DENND2B: variants seen among roughly 807,000 people sequenced by gnomAD.
The protein encoded by DENND2B is DENN domain-containing protein 2B.
In DENND2B, 32 loss-of-function variants were observed where a neutral mutation model predicts 116.0. That is an observed-to-expected ratio of 0.28 (90% CI 0.21 to 0.37). The LOEUF (loss-of-function observed/expected upper bound fraction) is 0.37, where lower values mean the gene tolerates loss of function less well. DENND2B is among the 10% of genes least tolerant of loss of function. DENND2B has a pLI of 1.00. For synonymous variants in DENND2B, 588 were observed against 583.9 expected (o/e 1.01, Z -0.10); for missense variants, 1,276 against 1,477.7 (o/e 0.86, Z 2.24).
At chr11:8,774,502 G>A (rs2057355506) in intron 1 of DENND2B, among the ~76,000 whole-genome samples, 1 of 152,192 alleles carries the variant, frequency 6.6e-6, no homozygotes, top group Non-Finnish European at 1.5e-5. Flanking sequence ...GCTTCTGACA[G>A]AGAGGAAGTG....
Position 8,696,410 on chromosome 11 carries a change from T to C in DENND2B, c.3292+17A>G, listed in dbSNP as rs1327202458. 13 of 1,612,964 alleles carry C rather than the reference T, an allele frequency of 8.1e-6. No individual in the cohort carries two copies. The highest frequency in any genetic ancestry group is 1.1e-5 in the Non-Finnish European group (13 of 1,179,342). ...GGGTGAAAAAATTAGAGAAGAGAGCTGATAACCAAGACTTACCCTTTGCCC... is the reference window on the plus strand; with the variant it reads ...GGGTGAAAAAATTAGAGAAGAGAGCCGATAACCAAGACTTACCCTTTGCCC... On this transcript the variant is annotated intron_variant, in intron 18 of 19. Coordinates refer to ENST00000313726, the MANE Select transcript of DENND2B (RefSeq NM_213618.2).
In DENND2B at chr11:8,876,422, C is replaced by T. The variant is rs528389958; in HGVS notation, c.-156+4588G>A. 3.9e-5 allele frequency among the ~76,000 whole-genome samples: 6 copies of T among 152,212 alleles called. No homozygotes were observed. The South Asian group carries it at 1.2e-3, about 32-fold the overall frequency. On this transcript the variant is annotated intron_variant, in intron 2 of 22. Transcript: ENST00000534127. Reference sequence around the variant, plus strand: ...TATATTTCCTGCCTTGGATACCATGCAGTGCCTTTTGTTCCCTCCCTACTA... The same window carrying T: ...TATATTTCCTGCCTTGGATACCATGTAGTGCCTTTTGTTCCCTCCCTACTA...
upstream of DENND2B, among the ~76,000 whole-genome samples, chr11:8,873,399 A>G (rs1441039101): frequency 2.0e-5 from 3 of 152,230 alleles, no homozygotes; most frequent in Admixed American, 6.5e-5. Context: ...TTTAATTCTT[A>G]GGAAAAAAAC....
At chr11:8,818,495 A>G (rs1276897584) in intron 4 of DENND2B, among the ~76,000 whole-genome samples, 2 of 152,112 alleles carry the variant, frequency 1.3e-5, no homozygotes, top group African/African-American at 4.8e-5. Flanking sequence ...CCTAAGAGTA[A>G]GATCTGGGCA....
intron 9 of DENND2B, chr11:8,711,828 T>C (rs1399053957): frequency 1.5e-5 from 5 of 329,144 alleles, no homozygotes; most frequent in South Asian, 4.9e-5. Context: ...GATAGCGCCA[T>C]TGCACTCCAG....
intron 4 of DENND2B, among the ~76,000 whole-genome samples, chr11:8,723,617 G>A (rs545203378): frequency 2.6e-5 from 4 of 152,324 alleles, no homozygotes; most frequent in African/African-American, 9.6e-5. Flanking sequence ...TGCCTCTTGG[G>A]TGGCTGAGTA....
intron 1 of DENND2B, chr11:8,774,251 G>A: frequency 3.0e-6 from 3 of 985,454 alleles, no homozygotes; most frequent in Non-Finnish European, 3.6e-6. Flanking sequence ...TTTATGACTA[G>A]CAGTCTCTTC....
intron 1 of DENND2B, among the ~76,000 whole-genome samples, chr11:8,754,815 GGCAAA>G (rs1465746138): frequency 6.6e-6 from 1 of 152,208 alleles, no homozygotes; most frequent in East Asian, 1.9e-4. Flanking sequence ...GTCCAGAACA[GGCAAA>G]CCTACAGAGA....
intron 2 of DENND2B, among the ~76,000 whole-genome samples, chr11:8,736,361 CA>C (rs1435153127): frequency 7.6e-6 from 1 of 132,276 alleles, no homozygotes; most frequent in Non-Finnish European, 1.7e-5. Context: ...GACCTTGTCT[CA>C]AAAGAAAAAA....
At chr11:8,745,337 G>A (rs565806130) in intron 2 of DENND2B, among the ~76,000 whole-genome samples, 91 of 152,278 alleles carry the variant, frequency 6.0e-4, no homozygotes, top group African/African-American at 2.1e-3. Flanking sequence ...TTAGAGGCAT[G>A]AGCCACCGCA....
At chr11:8,908,910 T>C (rs2064273111) in intron 1 of DENND2B, among the ~76,000 whole-genome samples, 1 of 152,216 alleles carries the variant, frequency 6.6e-6, no homozygotes, top group African/African-American at 2.4e-5. Flanking sequence ...GGAGCACTTA[T>C]CTTTGCCGGG....
intron 2 of DENND2B, among the ~76,000 whole-genome samples, chr11:8,876,864 G>GC (rs2063846846): frequency 7.1e-6 from 1 of 141,072 alleles, no homozygotes; most frequent in African/African-American, 2.6e-5. Context: ...GGGCGACAGA[G>GC]CAAGATTCCG....
chr11:8,770,855 C>A (rs576229711), intron 1 of DENND2B, among the ~76,000 whole-genome samples: 1 of 152,228 alleles, frequency 6.6e-6, no homozygotes, highest in East Asian at 1.9e-4. Flanking sequence ...TGCACAGACT[C>A]TATCTTGCCA....
At chr11:8,880,420 T>C (rs781146095) in intron 2 of DENND2B, among the ~76,000 whole-genome samples, 15 of 151,282 alleles carry the variant, frequency 9.9e-5, no homozygotes, top group Non-Finnish European at 1.6e-4. Flanking sequence ...TTATATGTAA[T>C]TGCTAAGAGC....
chr11:8,764,527 A>G (rs2055271877), intron 1 of DENND2B, among the ~76,000 whole-genome samples: 1 of 152,236 alleles, frequency 6.6e-6, no homozygotes, highest in Non-Finnish European at 1.5e-5. Flanking sequence ...TTTCATAAGC[A>G]GCAGACCCCA....
intron 2 of DENND2B, among the ~76,000 whole-genome samples, chr11:8,862,047 G>C (rs1038979802): frequency 6.6e-6 from 1 of 151,888 alleles, no homozygotes; most frequent in Non-Finnish European, 1.5e-5. Flanking sequence ...AAGGGAGGGA[G>C]GGAGGGGAGA....
chr11:8,743,400 A>C (rs1024111154), intron 2 of DENND2B, among the ~76,000 whole-genome samples: 84 of 151,626 alleles, frequency 5.5e-4, no homozygotes, highest in African/African-American at 2.0e-3. Context: ...AAATGCAAAA[A>C]TTAGCCAGAT....
At chr11:8,792,784 CCAGGGCG>C (rs1369890592) in intron 1 of DENND2B, among the ~76,000 whole-genome samples, 2 of 152,128 alleles carry the variant, frequency 1.3e-5, no homozygotes, top group African/African-American at 4.8e-5. Context: ...CTGTGTTGGG[CCAGGGCG>C]CAGTGGAAAG....
At chr11:8,741,118 C>G (rs1044768531) in intron 2 of DENND2B, among the ~76,000 whole-genome samples, 2 of 152,234 alleles carry the variant, frequency 1.3e-5, no homozygotes, top group African/African-American at 4.8e-5. Flanking sequence ...CCTCAGCCCC[C>G]AACTGGGGCT....
Sources: allele counts gnomAD v4.1 joint callset (sites outside exome capture counted in the v4.1 genomes callset), GRCh38; gene constraint gnomAD v4.1.1; transcripts MANE v1.5; gene names NCBI Gene and HGNC (gene_info 2026-07-23, HGNC 2026-07-21).